Variants in GABRG3 observed in about 807,000 individuals in gnomAD.
GABRG3 encodes the protein gamma-aminobutyric acid type A receptor subunit gamma3.
GABRG3 carries 25 observed loss-of-function variants against 48.8 expected under a neutral mutation model. The ratio of observed to expected loss-of-function variants is 0.51; its 90% CI spans 0.37 to 0.72. GABRG3 has a LOEUF of 0.72. GABRG3 is among the 30% of genes least tolerant of loss of function. The probability of loss-of-function intolerance (pLI) is 0.00; values close to 1 mark genes in which losing one functional copy is unlikely to be tolerated. For synonymous variants in GABRG3, 227 were observed against 217.6 expected (o/e 1.04, Z -0.38); for missense variants, 394 against 577.9 (o/e 0.68, Z 3.26).
chr15:27,453,748 C>T (rs921312015), intron 5 of GABRG3, among the ~76,000 whole-genome samples: 31 of 152,128 alleles, frequency 2.0e-4, no homozygotes, highest in African/African-American at 7.2e-4. Flanking sequence ...ATTACAGGCA[C>T]CTGCCAACAT....
chr15:27,159,186 A>G (rs1898510741), intron 3 of GABRG3, among the ~76,000 whole-genome samples: 1 of 152,172 alleles, frequency 6.6e-6, no homozygotes, highest in Non-Finnish European at 1.5e-5. Context: ...AAAAGACTCA[A>G]AAAGAAAAAT....
At chr15:27,407,586 A>G (rs1566827459) in intron 5 of GABRG3, among the ~76,000 whole-genome samples, 3 of 152,250 alleles carry the variant, frequency 2.0e-5, no homozygotes, top group African/African-American at 7.2e-5. Context: ...TAAATGAATA[A>G]GTCAACTTTG....
intron 3 of GABRG3, among the ~76,000 whole-genome samples, chr15:27,132,921 A>G (rs1198232721): frequency 1.3e-5 from 2 of 151,542 alleles, no homozygotes; most frequent in Non-Finnish European, 2.9e-5. Flanking sequence ...TCTTCTTTTT[A>G]ATGTAAGCAT....
intron 3 of GABRG3, among the ~76,000 whole-genome samples, chr15:27,297,722 GC>G (rs1233512295): frequency 2.0e-5 from 3 of 152,056 alleles, no homozygotes; most frequent in African/African-American, 7.2e-5. Context: ...CTATATAGTT[GC>G]TTTCCTTTCT....
intron 6 of GABRG3, among the ~76,000 whole-genome samples, chr15:27,511,556 C>T (rs7181852): frequency 0.51 from 77,348 of 152,066 alleles, 20,143 homozygotes; most frequent in East Asian, 0.68. Context: ...TACTGCTCAA[C>T]GCAAAATCCC....
chr15:27,070,355 G>A (rs61998094), intron 3 of GABRG3, among the ~76,000 whole-genome samples: 1,733 of 152,294 alleles, frequency 0.011, 16 homozygotes, highest in Admixed American at 0.02. Flanking sequence ...ATGCCAAGTT[G>A]AAAATGTCTG....
chr15:27,330,652 GT>G (rs1272940508), intron 5 of GABRG3, among the ~76,000 whole-genome samples: 3 of 152,302 alleles, frequency 2.0e-5, no homozygotes, highest in Middle Eastern at 6.8e-3. Context: ...TGTATAAATT[GT>G]TTTAAAAAGA....
At chr15:27,054,433 AG>A (rs1896507023) in intron 3 of GABRG3, among the ~76,000 whole-genome samples, 1 of 152,160 alleles carries the variant, frequency 6.6e-6, no homozygotes, top group East Asian at 1.9e-4. Context: ...GAAATAAACA[AG>A]GAAGAAGGAA....
chr15:27,047,143 A>G (rs1295678819), intron 3 of GABRG3, among the ~76,000 whole-genome samples: 2 of 152,264 alleles, frequency 1.3e-5, no homozygotes, highest in East Asian at 3.9e-4. Context: ...AATCCAACAT[A>G]TAGGGTATCT....
chr15:27,206,131 C>T lies in GABRG3; in HGVS notation c.271-120678C>T, dbSNP rs374556408. Among the ~76,000 whole-genome samples the T allele has an allele frequency of 2.6e-5, 4 of 152,136 alleles. 1 individual carries two copies. Among genetic ancestry groups the T allele is most frequent in the African/African-American group, 9.6e-5 (4 of 41,536 alleles). ...ATTTACTCTTGTTTTTCTAGTTCCT[C>T]TAGGTGTGATGTTACATTGTTAATT... On this transcript the variant is annotated intron_variant, in intron 3 of 9. Transcript: ENST00000615808.
At chr15:27,353,064 C>T (rs929443730) in intron 5 of GABRG3, among the ~76,000 whole-genome samples, 5 of 152,148 alleles carry the variant, frequency 3.3e-5, no homozygotes, top group Non-Finnish European at 4.4e-5. Context: ...CCTTTGCAGA[C>T]CTGAGAATTG....
chr15:27,275,001 T>C (rs1891208137), intron 3 of GABRG3, among the ~76,000 whole-genome samples: 1 of 152,224 alleles, frequency 6.6e-6, no homozygotes, highest in African/African-American at 2.4e-5. Context: ...CGAGAGTTTC[T>C]AAACTGAAGT....
At chr15:27,454,402 A>G (rs1889200964) in intron 5 of GABRG3, among the ~76,000 whole-genome samples, 1 of 152,200 alleles carries the variant, frequency 6.6e-6, no homozygotes, top group South Asian at 2.1e-4. Flanking sequence ...GTCTACATGC[A>G]GGAAAGTTGA....
At chr15:27,109,910 T>A (rs1897515942) in intron 3 of GABRG3, among the ~76,000 whole-genome samples, 1 of 138,560 alleles carries the variant, frequency 7.2e-6, no homozygotes, top group Non-Finnish European at 1.5e-5. Context: ...AATAAAATGG[T>A]TTTCTTAAAA....
intron 3 of GABRG3, chr15:27,271,401 G>T (rs887583913): frequency 2.8e-6 from 1 of 362,970 alleles, no homozygotes; most frequent in African/African-American, 2.1e-5. Context: ...CGGGTCTTAC[G>T]CAGGGAGCTG....
intron 3 of GABRG3, among the ~76,000 whole-genome samples, chr15:27,218,148 T>C (rs192635347): frequency 2.6e-5 from 4 of 152,112 alleles, no homozygotes; most frequent in African/African-American, 9.6e-5. Flanking sequence ...CAGCTGGGAC[T>C]ACCTACAGAT....
At chr15:27,507,387 T>G (rs1890785562) in intron 6 of GABRG3, among the ~76,000 whole-genome samples, 1 of 152,122 alleles carries the variant, frequency 6.6e-6, no homozygotes, top group East Asian at 1.9e-4. Context: ...GCCTGTAGTC[T>G]CAGCTACTCA....
intron 2 of GABRG3, among the ~76,000 whole-genome samples, chr15:27,003,539 G>A (rs567828107): frequency 0.01 from 1,591 of 152,194 alleles, 30 homozygotes; most frequent in African/African-American, 0.036. Flanking sequence ...AGGGCTGGGG[G>A]TAAGGTCACA....
intron 3 of GABRG3, among the ~76,000 whole-genome samples, chr15:27,215,591 G>C (rs1476566869): frequency 6.6e-6 from 1 of 152,162 alleles, no homozygotes; most frequent in Non-Finnish European, 1.5e-5. Context: ...GGATGGCAAA[G>C]GCACAGTTTT....
Sources: gnomAD v4.1 joint callset for allele counts (sites outside exome capture counted in the v4.1 genomes callset) on GRCh38, gnomAD v4.1.1 for gene constraint, MANE v1.5 for transcripts, NCBI Gene and HGNC (gene_info 2026-07-23, HGNC 2026-07-21) for gene names.